The following BRINP1 variants were observed in gnomAD, a reference collection of about 807,000 sequenced individuals.
The protein encoded by BRINP1 is BMP/retinoic acid inducible neural specific 1.
Under a neutral mutation model 72.9 loss-of-function variants are expected in BRINP1, and 17 were observed. The observed-to-expected ratio is 0.23, with a 90% CI of 0.16 to 0.35. The LOEUF (loss-of-function observed/expected upper bound fraction) is 0.35. BRINP1 is among the 10% of genes least tolerant of loss of function. BRINP1 has a pLI of 1.00. For missense variants in BRINP1, 850 were observed against 1,001.6 expected, an observed-to-expected ratio of 0.85 and a Z score of 2.04; for synonymous variants, 418 against 378.5, an observed-to-expected ratio of 1.10 and a Z score of -1.21.
At chr9:119,288,795 TTTG>T (rs1830793058) in intron 2 of BRINP1, among the ~76,000 whole-genome samples, 2 of 151,892 alleles carry the variant, frequency 1.3e-5, no homozygotes, top group African/African-American at 2.4e-5. Context: ...TTTGTTTTGT[TTTG>T]TTTTTTTTTT....
chr9:119,268,950 G>T (rs759804299), intron 2 of BRINP1, among the ~76,000 whole-genome samples: 1 of 152,184 alleles, frequency 6.6e-6, no homozygotes, highest in Non-Finnish European at 1.5e-5. Flanking sequence ...GTTGAAAAAG[G>T]ATACACCTGG....
intron 1 of BRINP1, among the ~76,000 whole-genome samples, chr9:119,327,868 C>A (rs956654135): frequency 6.6e-6 from 1 of 151,608 alleles, no homozygotes; most frequent in Non-Finnish European, 1.5e-5. Context: ...TGTCCATTGA[C>A]ATTCAAGTTA....
intron 7 of BRINP1, among the ~76,000 whole-genome samples, chr9:119,204,244 C>T (rs1440388176): frequency 6.6e-6 from 1 of 152,144 alleles, no homozygotes; most frequent in Non-Finnish European, 1.5e-5. Context: ...CTCAGCTGTA[C>T]CAAGTCAACA....
At chr9:119,316,790 T>C (rs1468012766) in intron 1 of BRINP1, among the ~76,000 whole-genome samples, 1 of 152,194 alleles carries the variant, frequency 6.6e-6, no homozygotes. Context: ...GGTGTTTTCA[T>C]GCCTGCTGAA....
At chr9:119,231,878 A>G (rs1830151846) in intron 5 of BRINP1, among the ~76,000 whole-genome samples, 2 of 151,758 alleles carry the variant, frequency 1.3e-5, no homozygotes, top group Admixed American at 6.6e-5. Context: ...TTTTTTCTCT[A>G]TCTACCCTCT....
intron 5 of BRINP1, among the ~76,000 whole-genome samples, chr9:119,226,064 G>A (rs1830088891): frequency 6.6e-6 from 1 of 151,646 alleles, no homozygotes; most frequent in South Asian, 2.1e-4. Context: ...TTACAATTTA[G>A]TGGCAGACGT....
intron 7 of BRINP1, among the ~76,000 whole-genome samples, chr9:119,174,371 C>T (rs1298596113): frequency 6.6e-6 from 1 of 150,378 alleles, no homozygotes; most frequent in African/African-American, 2.5e-5. Context: ...AAAAAATGCT[C>T]ATCATCACTG....
intron 5 of BRINP1, among the ~76,000 whole-genome samples, chr9:119,221,008 G>C (rs1387765182): frequency 3.9e-5 from 6 of 152,086 alleles, no homozygotes; most frequent in Admixed American, 2.0e-4. Context: ...TAATACAGTG[G>C]TATTTTTGAT....
intron 1 of BRINP1, among the ~76,000 whole-genome samples, chr9:119,317,274 A>C (rs1831134654): frequency 6.6e-6 from 1 of 152,154 alleles, no homozygotes; most frequent in African/African-American, 2.4e-5. Flanking sequence ...CAACGGTAAC[A>C]GGAGTTTGGA....
At chr9:119,366,916 C>T (rs1209336014) in intron 1 of BRINP1, among the ~76,000 whole-genome samples, 5 of 151,762 alleles carry the variant, frequency 3.3e-5, no homozygotes, top group Non-Finnish European at 7.4e-5. Flanking sequence ...CAGTTTCGAT[C>T]GTCTGTGAAT....
chr9:119,235,979 A>C (rs1830188717), intron 5 of BRINP1, among the ~76,000 whole-genome samples: 1 of 152,182 alleles, frequency 6.6e-6, no homozygotes, highest in African/African-American at 2.4e-5. Context: ...TGTACTAGAA[A>C]GATCCATTTT....
intron 2 of BRINP1, among the ~76,000 whole-genome samples, chr9:119,307,182 G>A (rs1290358222): frequency 2.0e-5 from 3 of 150,906 alleles, no homozygotes; most frequent in Non-Finnish European, 4.4e-5. Context: ...ACCACCAGTT[G>A]GACACCAAGA....
intron 1 of BRINP1, among the ~76,000 whole-genome samples, chr9:119,329,807 G>C (rs1395166487): frequency 6.6e-6 from 1 of 152,106 alleles, no homozygotes; most frequent in Non-Finnish European, 1.5e-5. Context: ...TATTTCATAG[G>C]TGAGAAAAAA....
rs1156864192 is a variant in BRINP1 at position 119,166,703 on chromosome 9, G to GTACAT, written c.*376_*380dup. On this transcript the variant is annotated 3_prime_UTR_variant, in exon 8 of 8. Transcript: ENST00000265922. ...AAAAGGAAAAATGGCAGTGTCAGTTGTACATTACATATATCTCTCTTTCTT... is the reference window on the plus strand; with the variant it reads ...AAAAGGAAAAATGGCAGTGTCAGTTGTACATTACATTACATATATCTCTCTTTCTT... 1 of 163,096 alleles carries GTACAT rather than the reference G, an allele frequency of 6.1e-6. No individual in the cohort carries two copies. The highest frequency in any genetic ancestry group is 1.3e-5 in the Non-Finnish European group (1 of 75,276). 10.1% of individuals were successfully genotyped at this position (163,096 alleles called of 1,614,324 possible). A position where few individuals can be genotyped will look rare whatever the true frequency, so the allele number is the denominator to read the frequency against.
chr9:119,212,655 T>A (rs1829941043), intron 6 of BRINP1, among the ~76,000 whole-genome samples: 1 of 152,232 alleles, frequency 6.6e-6, no homozygotes, highest in South Asian at 2.1e-4. Context: ...ATTTAAGAAA[T>A]ATAATGTTGT....
At chr9:119,317,954 A>G (rs1013983715) in intron 1 of BRINP1, among the ~76,000 whole-genome samples, 26 of 152,244 alleles carry the variant, frequency 1.7e-4, no homozygotes, top group Non-Finnish European at 4.4e-5. Context: ...TACTGTAAAC[A>G]TAAGTTTAAT....
At chr9:119,235,625 C>G (rs1036442248) in intron 5 of BRINP1, among the ~76,000 whole-genome samples, 2 of 152,182 alleles carry the variant, frequency 1.3e-5, no homozygotes, top group Non-Finnish European at 2.9e-5. Flanking sequence ...GAAACAATGT[C>G]TGTCTTGTTC....
chr9:119,290,984 A>C (rs901201039), intron 2 of BRINP1, among the ~76,000 whole-genome samples: 1 of 152,002 alleles, frequency 6.6e-6, no homozygotes, highest in Non-Finnish European at 1.5e-5. Flanking sequence ...TTAGCTGGGC[A>C]TGGTGGCAGG....
intron 2 of BRINP1, among the ~76,000 whole-genome samples, chr9:119,299,420 C>T (rs1293789411): frequency 1.3e-5 from 2 of 152,006 alleles, no homozygotes; most frequent in African/African-American, 2.4e-5. Flanking sequence ...TCAAGACCAG[C>T]CTGACCAACA....
Sources: gnomAD v4.1 joint callset for allele counts (sites outside exome capture counted in the v4.1 genomes callset) on GRCh38, gnomAD v4.1.1 for gene constraint, MANE v1.5 for transcripts, NCBI Gene and HGNC (gene_info 2026-07-23, HGNC 2026-07-21) for gene names.